The following FNBP1L variants were observed in gnomAD, a reference collection of about 807,000 sequenced individuals.
FNBP1L encodes the protein formin binding protein 1 like, also known as formin-binding protein 1-like.
In FNBP1L, 36 loss-of-function variants were observed where a neutral mutation model predicts 91.2. The ratio of observed to expected loss-of-function variants is 0.39; its 90% confidence interval spans 0.30 to 0.52. FNBP1L has a LOEUF of 0.52. Among genes scored for constraint, FNBP1L ranks in the 20% least tolerant of loss-of-function variants. The pLI is 0.66. For missense variants in FNBP1L, 571 were observed against 732.1 expected (o/e 0.78, Z 2.54); for synonymous variants, 242 against 237.0 (o/e 1.02, Z -0.19).
chr1:93,471,624 G>A (rs761380373), intron 1 of FNBP1L, among the ~76,000 whole-genome samples: 25 of 152,284 alleles, frequency 1.6e-4, no homozygotes, highest in Non-Finnish European at 3.4e-4. Flanking sequence ...CCGGGGAGGT[G>A]GAGCCTGCAG....
At chr1:93,551,318 T>TA in intron 16 of FNBP1L, 3 of 1,241,714 alleles carry the variant, frequency 2.4e-6, no homozygotes, top group Non-Finnish European at 3.0e-6. Context: ...ACTGTTTGAG[T>TA]AACGTTGGTG....
chr1:93,490,652 C>G (rs1358754696), intron 1 of FNBP1L, among the ~76,000 whole-genome samples: 1 of 152,130 alleles, frequency 6.6e-6, no homozygotes, highest in African/African-American at 2.4e-5. Context: ...TGGAATAAAT[C>G]CATAGGAATA....
At chr1:93,503,023 T>G (rs967423280) in intron 2 of FNBP1L, among the ~76,000 whole-genome samples, 11 of 152,340 alleles carry the variant, frequency 7.2e-5, no homozygotes, top group Middle Eastern at 3.4e-3. Flanking sequence ...CTCCCCTTAT[T>G]TTTGCTAGTG....
chr1:93,473,567 T>C (rs943543975), intron 1 of FNBP1L, among the ~76,000 whole-genome samples: 1 of 152,190 alleles, frequency 6.6e-6, no homozygotes, highest in African/African-American at 2.4e-5. Context: ...TAAAATACTT[T>C]ATAGAAAGCA....
intron 9 of FNBP1L, among the ~76,000 whole-genome samples, chr1:93,535,741 CAAGAAGTTGAG>C (rs1346070053): frequency 6.6e-6 from 1 of 150,780 alleles, no homozygotes; most frequent in African/African-American, 2.4e-5. Context: ...ATTGTCCAGT[CAAGAAGTTGAG>C]AGGTGAGACC....
chr1:93,533,171 G>A (rs1671740685), intron 8 of FNBP1L, 103 bp downstream of exon 8: 1 of 935,674 alleles, frequency 1.1e-6, no homozygotes, highest in Non-Finnish European at 1.5e-6. Flanking sequence ...CTGATGTGTG[G>A]TTCTAAATTA....
At chr1:93,549,157 G>A in intron 14 of FNBP1L, 121 bp from the exon 15 acceptor site, 2 of 692,680 alleles carry the variant, frequency 2.9e-6, no homozygotes, top group Admixed American at 3.7e-5. Flanking sequence ...TAGGGCTTAA[G>A]TGGAAACTGT....
rs561813022 is a variant in FNBP1L at position 93,475,783 on chromosome 1, T to C, written c.25-23685T>C. On this transcript the variant is annotated intron_variant, in intron 1 of 16. Transcript: ENST00000271234. ...TTGTAAAATAATAACAAAATAATCA[T>C]TATTAACAGCTTTAAGTATTTGAAT... Among the ~76,000 whole-genome samples the C allele has an allele frequency of 2.0e-5, 3 of 152,318 alleles. No individual in the cohort carries two copies. The South Asian group carries it at 6.2e-4, about 32-fold the overall frequency.
At chr1:93,453,700 G>A (rs1303957591) in intron 1 of FNBP1L, among the ~76,000 whole-genome samples, 1 of 152,148 alleles carries the variant, frequency 6.6e-6, no homozygotes, top group Non-Finnish European at 1.5e-5. Flanking sequence ...AAAACTGGTA[G>A]GAAAGGTTAT....
chr1:93,486,037 T>A (rs1274132307), intron 1 of FNBP1L, among the ~76,000 whole-genome samples: 1 of 152,182 alleles, frequency 6.6e-6, no homozygotes, highest in Non-Finnish European at 1.5e-5. Context: ...ACTTTAGAAT[T>A]GTGTAATTAC....
chr1:93,549,281 T>C lies in FNBP1L; in HGVS notation c.1506T>C (p.Pro502=), dbSNP rs1178539822. ...GAGATAATTTTTTGTTTTATAGTCC[T>C]GAGGGAAGTTACACTGATGATGCAA... is the stretch of plus-strand genomic sequence containing the variant. ...NHLVTQGRES[P]EGSYTDDANQ... Residue 502 remains proline (P), a synonymous_variant, in exon 15 of 17, where the codon CCT becomes CCC. Transcript: ENST00000271234. The C allele has an allele frequency of 6.2e-7, 1 of 1,607,246 alleles. No homozygotes were observed. Among genetic ancestry groups the C allele is most frequent in the East Asian group, 2.2e-5 (1 of 44,812 alleles).
chr1:93,544,226 C>A lies in FNBP1L; in HGVS notation c.1274+10C>A. The A allele has an allele frequency of 1.9e-6, 3 of 1,577,264 alleles. No individual in the cohort carries two copies. Among genetic ancestry groups the A allele is most frequent in the Non-Finnish European group, 2.6e-6 (3 of 1,151,860 alleles). Reference sequence around the variant, plus strand: ...AAGAATCAGACCAAAAGTATTATTCCTTTAAGTTTTCTCTATCATTATTAT... The same window carrying A: ...AAGAATCAGACCAAAAGTATTATTCATTTAAGTTTTCTCTATCATTATTAT... On this transcript the variant is annotated intron_variant, in intron 12 of 16. Coordinates refer to ENST00000271234, the MANE Select transcript of FNBP1L (RefSeq NM_001164473.3).
intron 16 of FNBP1L, 103 bp downstream of exon 16, chr1:93,551,208 AG>A: frequency 7.2e-7 from 1 of 1,395,522 alleles, no homozygotes; most frequent in Non-Finnish European, 9.4e-7. Context: ...GAAAAAAATA[AG>A]GAAACTTAAA....
chr1:93,450,019 T>C (rs1163951094), intron 1 of FNBP1L, among the ~76,000 whole-genome samples: 2 of 152,212 alleles, frequency 1.3e-5, no homozygotes, highest in African/African-American at 4.8e-5. Context: ...GTAAGTAGAA[T>C]ACTTCTAAAA....
Position 93,475,246 on chromosome 1 carries a change from TA to T in FNBP1L, c.25-24216del, listed in dbSNP as rs201060217. 3.8e-3 allele frequency among the ~76,000 whole-genome samples: 573 copies of T among 152,154 alleles called. 9 individuals carry two copies. Among genetic ancestry groups the T allele is most frequent in the African/African-American group, 0.013 (539 of 41,554 alleles). ...CTTTACATATTCTGAAAATATATAA[TA>T]AAAAATTTTATTATTTAAAATACAT... On this transcript the variant is annotated intron_variant, in intron 1 of 16. Transcript: ENST00000271234.
intron 5 of FNBP1L, among the ~76,000 whole-genome samples, chr1:93,528,846 A>G (rs1671579322): frequency 6.6e-6 from 1 of 152,176 alleles, no homozygotes; most frequent in South Asian, 2.1e-4. Context: ...TGAATTATGC[A>G]TTGGAAACTA....
At chr1:93,501,494 C>G (rs1399434366) in intron 2 of FNBP1L, among the ~76,000 whole-genome samples, 2 of 152,076 alleles carry the variant, frequency 1.3e-5, no homozygotes, top group East Asian at 1.9e-4. Flanking sequence ...AACCCACTCT[C>G]AAAAAGTGAT....
At chr1:93,532,785 C>T (rs1356293853) in intron 7 of FNBP1L, 137 bp from the exon 8 acceptor site, 7 of 527,482 alleles carry the variant, frequency 1.3e-5, no homozygotes, top group Admixed American at 3.9e-5. Context: ...GTCAATAGCA[C>T]TTGTTAAAAG....
At chr1:93,452,390 T>C (rs1409686241) in intron 1 of FNBP1L, among the ~76,000 whole-genome samples, 1 of 152,232 alleles carries the variant, frequency 6.6e-6, no homozygotes, top group Non-Finnish European at 1.5e-5. Context: ...TAAGTTTTAC[T>C]ACTTGGGTTA....
Sources: allele counts gnomAD v4.1 joint callset (sites outside exome capture counted in the v4.1 genomes callset), GRCh38; gene constraint gnomAD v4.1.1; transcripts MANE v1.5; gene names NCBI Gene and HGNC (gene_info 2026-07-23, HGNC 2026-07-21).